PABPC4: variants seen among roughly 807,000 people sequenced by gnomAD.
PABPC4 encodes the protein poly(A) binding protein cytoplasmic 4.
In PABPC4, 15 loss-of-function variants were observed where a neutral mutation model predicts 74.5. The ratio of observed to expected loss-of-function variants is 0.20; its 90% CI spans 0.13 to 0.31. The LOEUF is 0.31. Ranked by LOEUF, PABPC4 falls within the 10% of genes least tolerant of loss-of-function variation. The pLI, the probability that PABPC4 is intolerant of heterozygous loss-of-function variation, is 1.00. For synonymous variants in PABPC4, 345 were observed against 303.0 expected, an observed-to-expected ratio of 1.14 and a Z score of -1.44; for missense variants, 610 against 853.5, an observed-to-expected ratio of 0.71 and a Z score of 3.55.
At chr1:39,561,911 A>G (rs1645774534) in intron 14 of PABPC4, 124 bp from the exon 15 acceptor site, 3 of 1,170,868 alleles carry the variant, frequency 2.6e-6, no homozygotes, top group South Asian at 1.4e-5. Context: ...GGTGCTAACT[A>G]CTTTCCCAAA....
rs779049936 is a variant in PABPC4, at chr1:39,568,955, A to G, written c.739-16T>C. 1.9e-6 allele frequency: 3 copies of G among 1,601,356 alleles called. No homozygotes were observed. Among genetic ancestry groups the G allele is most frequent in the South Asian group, 2.3e-5 (2 of 88,536 alleles). The stretch of plus-strand genomic sequence containing the variant: ...CTTCCACAGCCTAGAGAGGAAAAAT[A>G]TGTCTTTAAAATAAAGTTGCAGCGA... On this transcript the variant is annotated splice_polypyrimidine_tract_variant and intron_variant, in intron 5 of 15. Coordinates refer to ENST00000372858, the MANE Select transcript of PABPC4 (RefSeq NM_001135653.2).
chr1:39,575,711 CG>C (rs1646015345), intron 1 of PABPC4, 47 bp downstream of exon 1: 1 of 1,449,736 alleles, frequency 6.9e-7, no homozygotes, highest in African/African-American at 1.5e-5. Context: ...AGACGACTCC[CG>C]GGGTCCTCCG....
intron 2 of PABPC4, among the ~76,000 whole-genome samples, 198 bp downstream of exon 2, chr1:39,572,195 C>T (rs1645951724): frequency 6.6e-6 from 1 of 152,134 alleles, no homozygotes; most frequent in Admixed American, 6.5e-5. Flanking sequence ...GAGTAAAGAA[C>T]AAGGGTATGA....
At chr1:39,567,671 C>T (rs1274058183) in intron 7 of PABPC4, 80 bp downstream of exon 7, 2 of 781,348 alleles carry the variant, frequency 2.6e-6, no homozygotes, top group Non-Finnish European at 2.3e-6. Flanking sequence ...AATTTAAATG[C>T]TATTCCTTCA....
chr1:39,564,175 C>T, intron 10 of PABPC4: 1 of 620,640 alleles, frequency 1.6e-6, no homozygotes, highest in East Asian at 2.8e-5. Context: ...GGTCATCCAG[C>T]TAGCAAACTT....
intron 2 of PABPC4, 45 bp from the exon 3 acceptor site, chr1:39,571,394 C>T (rs1645937501): frequency 6.2e-7 from 1 of 1,609,788 alleles, no homozygotes; most frequent in Non-Finnish European, 8.5e-7. Context: ...TGGCCAGCTC[C>T]TGAGACATGA....
chr1:39,565,194 A>ACT lies in PABPC4; in HGVS notation c.1155_1156dup (p.Val386GlufsTer5). 1 of 1,614,148 alleles carries ACT rather than the reference A, an allele frequency of 6.2e-7. No homozygotes were observed. ...GGCAGGAAGTGCTCTCATTCCAGCC[A>ACT]CTCGTTGCATATACTGGTTGGTCAG... On this transcript the variant is annotated frameshift_variant, in exon 8 of 16. Transcript: ENST00000372858. LOFTEE classifies it high-confidence loss of function.
chr1:39,565,440 G>A, intron 7 of PABPC4, 62 bp from the exon 8 acceptor site: 1 of 1,528,508 alleles, frequency 6.5e-7, no homozygotes, highest in Non-Finnish European at 8.8e-7. Context: ...GATGGCTTGT[G>A]CCTGTAATCC....
At position 39,567,738 on chromosome 1, in the gene PABPC4, C is replaced by T. The variant is rs1014936958; in HGVS notation, c.972+13G>A. ...ATACCACTGCTTTCAATCCCCAGATCGCAGTATAATACCTTAGCACTGGTA... is the reference window on the plus strand; with the variant it reads ...ATACCACTGCTTTCAATCCCCAGATTGCAGTATAATACCTTAGCACTGGTA... On this transcript the variant is annotated intron_variant, in intron 7 of 15. Coordinates refer to ENST00000372858, the MANE Select transcript of PABPC4 (RefSeq NM_001135653.2). The T allele has an allele frequency of 7.1e-6, 9 of 1,264,702 alleles. No individual in the cohort carries two copies. In the African/African-American group the frequency reaches 8.8e-5, roughly 12 times the overall value. 78.3% of individuals were successfully genotyped at this position (1,264,702 alleles called of 1,614,324 possible). A position where few individuals can be genotyped will look rare whatever the true frequency, so the allele number is the denominator to read the frequency against.
rs1426036460 is a variant in PABPC4 at position 39,567,210 on chromosome 1, CCTG to C, written c.972+538_972+540del. Among the ~76,000 whole-genome samples the C allele has an allele frequency of 3.9e-5, 6 of 152,208 alleles. No individual in the cohort carries two copies. In the East Asian group the frequency reaches 5.8e-4, roughly 15 times the overall value. On this transcript the variant is annotated intron_variant, in intron 7 of 15. Transcript: ENST00000372858. ...TCTTTAAAATGAGGTTCCTACTTAC[CCTG>C]CTAACTTAGTTGATATGATTATCAA...
intron 12 of PABPC4, chr1:39,562,628 GA>G (rs1298882121): frequency 1.1e-5 from 5 of 456,258 alleles, no homozygotes; most frequent in Admixed American, 7.7e-5. Context: ...CAATTACAAT[GA>G]AAATGGCATG....
intron 6 of PABPC4, 192 bp from the exon 7 acceptor site, chr1:39,568,038 A>G: frequency 2.1e-6 from 1 of 475,004 alleles, no homozygotes; most frequent in Admixed American, 3.6e-5. Context: ...CGGGCGAATC[A>G]CAAGGTCAGG....
At chr1:39,564,386 C>T in intron 10 of PABPC4, 37 bp downstream of exon 10, 1 of 1,606,896 alleles carries the variant, frequency 6.2e-7, no homozygotes, top group Non-Finnish European at 8.5e-7. Flanking sequence ...TGACTCCCTC[C>T]TCCCCAGGCC....
intron 1 of PABPC4, among the ~76,000 whole-genome samples, chr1:39,574,440 G>T (rs1002611448): frequency 2.0e-5 from 3 of 152,260 alleles, no homozygotes; most frequent in Non-Finnish European, 4.4e-5. Context: ...GCAGAAGTAT[G>T]TGTTGGCAGA....
intron 9 of PABPC4, 39 bp downstream of exon 9, chr1:39,564,647 T>C: frequency 6.2e-7 from 1 of 1,601,778 alleles, no homozygotes; most frequent in Non-Finnish European, 8.6e-7. Flanking sequence ...CCAGGACAGG[T>C]ATATCCTGGG....
chr1:39,564,400 C>T lies in PABPC4; in HGVS notation c.1453+23G>A, dbSNP rs763660099. On this transcript the variant is annotated intron_variant, in intron 10 of 15. Transcript: ENST00000372858. ...CTGACTCCCTCCTCCCCAGGCCACA[C>T]TTCTAAAGGCCAGTTTGCTCACCGA... The T allele has an allele frequency of 1.5e-5, 24 of 1,611,664 alleles. No homozygotes were observed. In the African/African-American group the frequency reaches 2.5e-4, roughly 17 times the overall value.
In PABPC4 at chr1:39,561,043, G is replaced by T; in HGVS notation, c.*93C>A. The T allele has an allele frequency of 4.5e-6, 2 of 442,812 alleles. No individual in the cohort carries two copies. The highest frequency in any genetic ancestry group is 9.4e-6 in the Non-Finnish European group (2 of 211,692). 27.4% of individuals were successfully genotyped at this position (442,812 alleles called of 1,614,324 possible). ...TTAAATTTGCAATTTGTAATCCTTG[G>T]TGTTGAGGTCCATAGGACAAGCTAG... On this transcript the variant is annotated 3_prime_UTR_variant, in exon 16 of 16. Transcript: ENST00000372858.
At chr1:39,566,702 A>G (rs1645848999) in intron 7 of PABPC4, among the ~76,000 whole-genome samples, 2 of 152,232 alleles carry the variant, frequency 1.3e-5, no homozygotes, top group Admixed American at 6.5e-5. Context: ...CCACACCATC[A>G]TAATGAAAAT....
rs753329817 is a variant in PABPC4 at position 39,572,568 on chromosome 1, G to A, written c.212C>T (p.Thr71Ile). Residue 71 changes from threonine to isoleucine, a missense_variant, in exon 2 of 16, where the codon ACC becomes ATC. Physicochemically the swap from Thr to Ile is moderately conservative, Grantham distance 89. Around this residue, in one of 4 missense-constraint regions of PABPC4, gnomAD observed 304 missense variants for 478.9 expected, o/e 0.63. Coordinates refer to ENST00000372858, the MANE Select transcript of PABPC4 (RefSeq NM_001135653.2). ...QPADAERALDTMNFDVIKGKP... is the reference protein window; with the variant it reads ...QPADAERALDIMNFDVIKGKP... ...TCCCTTAATCACATCAAAGTTCATG[G>A]TGTCCAAAGCCCGCTCAGCTGTAAG... 1 of 1,613,770 alleles carries A rather than the reference G, an allele frequency of 6.2e-7. No individual in the cohort carries two copies. The highest frequency in any genetic ancestry group is 8.5e-7 in the Non-Finnish European group (1 of 1,179,802).
Sources: allele counts gnomAD v4.1 joint callset (sites outside exome capture counted in the v4.1 genomes callset), GRCh38; gene constraint gnomAD v4.1.1; regional missense constraint gnomAD v4.1.1; transcripts MANE v1.5; gene names NCBI Gene and HGNC (gene_info 2026-07-23, HGNC 2026-07-21).